CLN6: variants seen among roughly 807,000 people sequenced by gnomAD.
CLN6 encodes ceroid-lipofuscinosis neuronal protein 6.
CLN6 carries 22 observed loss-of-function variants against 33.3 expected under a neutral mutation model. The observed-to-expected ratio is 0.66, with a 90% CI of 0.47 to 0.94. The LOEUF is 0.94. Ranked by LOEUF, CLN6 falls within the 40% of genes least tolerant of loss-of-function variation. CLN6 has a pLI of 0.00. For missense variants in CLN6, 387 were observed against 417.1 expected (o/e 0.93, Z 0.63); for synonymous variants, 201 against 174.6 (o/e 1.15, Z -1.19).
At chr15:68,229,088 G>A (rs2093260165) in intron 1 of CLN6, among the ~76,000 whole-genome samples, 1 of 152,178 alleles carries the variant, frequency 6.6e-6, no homozygotes, top group Non-Finnish European at 1.5e-5. Flanking sequence ...CCCCGAGAAC[G>A]CGGAGGTGGC....
chr15:68,251,908 T>C (rs1157280179), intron 1 of CLN6, among the ~76,000 whole-genome samples: 1 of 151,230 alleles, frequency 6.6e-6, no homozygotes, highest in Non-Finnish European at 1.5e-5. Flanking sequence ...TTGTGACATG[T>C]AGAACTGACA....
chr15:68,248,662 A>C (rs577627278), intron 1 of CLN6, among the ~76,000 whole-genome samples: 1 of 152,166 alleles, frequency 6.6e-6, no homozygotes, highest in East Asian at 1.9e-4. Context: ...CAAAAAAAAA[A>C]AAAAAAAAAT....
At position 68,247,133 on chromosome 15, in the gene CLN6, T is replaced by C. The variant is rs1174969783; in HGVS notation, c.179+9557A>G. Among the ~76,000 whole-genome samples, 1 of 152,068 alleles carries C rather than the reference T, an allele frequency of 6.6e-6. No homozygotes were observed. The highest frequency in any genetic ancestry group is 1.5e-5 in the Non-Finnish European group (1 of 68,016). The stretch of plus-strand genomic sequence containing the variant: ...ACAAGGATGCCCACCTCCACTTTTA[T>C]TCAACATAGTATTGGAAGTCCTGTC... On this transcript the variant is annotated intron_variant, in intron 1 of 6. Transcript: ENST00000538696. The surrounding 1 kb of genome is among the most constrained non-coding windows in gnomAD (Gnocchi z 4.2).
Position 68,207,869 on chromosome 15 carries a change from C to T in CLN6, c.*271G>A. 1 of 509,890 alleles carries T rather than the reference C, an allele frequency of 2.0e-6. No homozygotes were observed. Among genetic ancestry groups the T allele is most frequent in the East Asian group, 3.6e-5 (1 of 27,748 alleles). 31.6% of individuals were successfully genotyped at this position (509,890 alleles called of 1,614,324 possible). A position where few individuals can be genotyped will look rare whatever the true frequency, so the allele number is the denominator to read the frequency against. ...AGGAGGGCAGGGGCCCGGATCCTGG[C>T]CCAGAAACACTCTAAAACAGAATCC... On this transcript the variant is annotated 3_prime_UTR_variant, in exon 7 of 7. Transcript: ENST00000249806.
At position 68,223,701 on chromosome 15, in the gene CLN6, A is replaced by G. The variant is rs144574783; in HGVS notation, c.84-5051T>C. ...TCCACCTCAGGAAGCACCTTGGTCAATGAGAATCCCTGTCATTAGTCCAGC... is the reference window on the plus strand; with the variant it reads ...TCCACCTCAGGAAGCACCTTGGTCAGTGAGAATCCCTGTCATTAGTCCAGC... On this transcript the variant is annotated intron_variant, in intron 1 of 6. Coordinates refer to ENST00000249806, the MANE Select transcript of CLN6 (RefSeq NM_017882.3). Among the ~76,000 whole-genome samples the G allele has an allele frequency of 3.9e-3, 592 of 152,068 alleles. 10 individuals carry two copies. The highest frequency in any genetic ancestry group is 0.014 in the African/African-American group (575 of 41,480).
intron 1 of CLN6, among the ~76,000 whole-genome samples, chr15:68,235,680 A>C (rs1892214536): frequency 6.6e-6 from 1 of 150,994 alleles, no homozygotes; most frequent in African/African-American, 2.5e-5. Flanking sequence ...TGTTTTCCTA[A>C]CCAGACACTG....
intron 1 of CLN6, among the ~76,000 whole-genome samples, chr15:68,251,906 T>C (rs182415693): frequency 3.3e-5 from 5 of 151,442 alleles, no homozygotes; most frequent in Admixed American, 2.6e-4. Flanking sequence ...ATTTGTGACA[T>C]GTAGAACTGA....
chr15:68,236,803 G>T lies in CLN6; in HGVS notation c.180-18153C>A, dbSNP rs1484453814. Among the ~76,000 whole-genome samples the T allele has an allele frequency of 6.6e-6, 1 of 152,214 alleles. No homozygotes were observed. The highest frequency in any genetic ancestry group is 1.5e-5 in the Non-Finnish European group (1 of 68,032). On this transcript the variant is annotated intron_variant, in intron 1 of 6. Coordinates refer to the CLN6 transcript ENST00000538696. This position sits in a 1 kb window ranked among gnomAD's most constrained non-coding sequence, Gnocchi z 4.5. ...AGGCAAAGACCTTTGCAATTGATCA[G>T]ACATATCTGAAAAATAAGCAAATAG...
rs1892212340 is a variant in CLN6, at chr15:68,235,588, ATATATATATATATATATAT to A, written c.180-16957_180-16939del. Among the ~76,000 whole-genome samples, 4 of 1,422 alleles carry A rather than the reference ATATATATATATATATATAT, an allele frequency of 2.8e-3. No homozygotes were observed. In the South Asian group the frequency reaches 0.12, roughly 41 times the overall value. 0.9% of individuals were successfully genotyped at this position (1,422 alleles called of 152,430 possible). A position where few individuals can be genotyped will look rare whatever the true frequency, so the allele number is the denominator to read the frequency against. ...GTGTCTAAAAAAAAAATAAAAATAA[ATATATATATATATATATAT>A]ATATATATATATATATATATATATA... On this transcript the variant is annotated intron_variant, in intron 1 of 6. Coordinates refer to the CLN6 transcript ENST00000538696.
chr15:68,215,920 G>A (rs1053971645), intron 2 of CLN6, among the ~76,000 whole-genome samples: 1 of 152,190 alleles, frequency 6.6e-6, no homozygotes, highest in African/African-American at 2.4e-5. Flanking sequence ...GGTAGGGAGA[G>A]TCTAACACTT....
intron 1 of CLN6, among the ~76,000 whole-genome samples, chr15:68,254,295 G>GATGC (rs1892410270): frequency 6.6e-6 from 1 of 152,200 alleles, no homozygotes; most frequent in African/African-American, 2.4e-5. Flanking sequence ...CATACAGGTG[G>GATGC]ATGCATGAGC....
chr15:68,224,680 T>C (rs1327958929), intron 1 of CLN6, among the ~76,000 whole-genome samples: 1 of 150,314 alleles, frequency 6.7e-6, no homozygotes, highest in East Asian at 2.0e-4. Context: ...CCTGGAACTC[T>C]GCCCACGGGA....
chr15:68,218,724 CAA>C, intron 1 of CLN6, 74 bp from the exon 2 acceptor site: 1 of 1,114,316 alleles, frequency 9.0e-7, no homozygotes, highest in South Asian at 1.2e-5. Flanking sequence ...AGATTAGCCA[CAA>C]AGAGGTCTGG....
At chr15:68,226,767 T>G (rs575092376) in intron 1 of CLN6, among the ~76,000 whole-genome samples, 1 of 152,030 alleles carries the variant, frequency 6.6e-6, no homozygotes, top group Non-Finnish European at 1.5e-5. Context: ...ACCTGGCCAG[T>G]AGATCGTATC....
chr15:68,257,056 T>C (rs1892445514), exon 1 of CLN6: 2 of 478,972 alleles, frequency 4.2e-6, no homozygotes, highest in Non-Finnish European at 7.4e-6. Context: ...CCTGGTGCCA[T>C]GCGGTTGGGC....
intron 1 of CLN6, among the ~76,000 whole-genome samples, chr15:68,221,881 T>A (rs2093237320): frequency 8.2e-6 from 1 of 122,380 alleles, no homozygotes; most frequent in South Asian, 2.9e-4. Context: ...TGGCTGCCCA[T>A]CGTCTGGGAT....
intron 1 of CLN6, among the ~76,000 whole-genome samples, 154 bp from the exon 2 acceptor site, chr15:68,218,804 G>A (rs1048251391): frequency 6.6e-6 from 1 of 152,120 alleles, no homozygotes; most frequent in Non-Finnish European, 1.5e-5. Flanking sequence ...GATATACTGG[G>A]GTCTGGCCCT....
rs2093253526 is a variant in CLN6 at position 68,226,783 on chromosome 15, G to A, written c.83+2719C>T. On this transcript the variant is annotated intron_variant, in intron 1 of 6. Coordinates refer to ENST00000249806, the MANE Select transcript of CLN6 (RefSeq NM_017882.3). Reference sequence around the variant, plus strand: ...CCTGGCCAGTAGATCGTATCTCAAGGGTCGTGGTTTAATTAATACATGCAA... The same window carrying A: ...CCTGGCCAGTAGATCGTATCTCAAGAGTCGTGGTTTAATTAATACATGCAA... 2.0e-5 allele frequency among the ~76,000 whole-genome samples: 3 copies of A among 151,926 alleles called. No individual in the cohort carries two copies. In the South Asian group the frequency reaches 6.2e-4, roughly 32 times the overall value.
In CLN6 at chr15:68,227,493, G is replaced by A. The variant is rs1458145601; in HGVS notation, c.83+2009C>T. Among the ~76,000 whole-genome samples the A allele has an allele frequency of 3.9e-5, 6 of 152,182 alleles. No homozygotes were observed. The highest frequency in any genetic ancestry group is 1.4e-4 in the African/African-American group (6 of 41,446). On this transcript the variant is annotated intron_variant, in intron 1 of 6. Transcript: ENST00000249806. The surrounding 1 kb of genome is among the most constrained non-coding windows in gnomAD (Gnocchi z 4.1). Reference sequence around the variant, plus strand: ...ACAGGATGATTCTGCCTACTCTCTTGAGCAGCAATGATACTGGGAATGGGC... The same window carrying A: ...ACAGGATGATTCTGCCTACTCTCTTAAGCAGCAATGATACTGGGAATGGGC...
Sources: gnomAD v4.1 joint callset for allele counts (sites outside exome capture counted in the v4.1 genomes callset) on GRCh38, gnomAD v4.1.1 for gene constraint, Gnocchi (gnomAD v3.1) non-coding constraint, MANE v1.5 for transcripts, NCBI Gene and HGNC (gene_info 2026-07-23, HGNC 2026-07-21) for gene names.